Variants in EPRS1 observed in about 807,000 individuals in gnomAD.
The protein encoded by EPRS1 is glutamyl-prolyl-tRNA synthetase 1, also known as bifunctional glutamate/proline--tRNA ligase.
EPRS1 carries 107 observed loss-of-function variants against 188.3 expected under a neutral mutation model. The ratio of observed to expected loss-of-function variants is 0.57; its 90% confidence interval spans 0.49 to 0.67. EPRS1 has a LOEUF of 0.67. Among genes scored for constraint, EPRS1 ranks in the 30% least tolerant of loss-of-function variants. EPRS1 has a pLI of 0.00. For synonymous variants in EPRS1, 596 were observed against 593.1 expected, an observed-to-expected ratio of 1.00 and a Z score of -0.07; for missense variants, 1,577 against 1,802.2, an observed-to-expected ratio of 0.88 and a Z score of 2.26.
intron 12 of EPRS1, among the ~76,000 whole-genome samples, chr1:220,013,273 T>A (rs1661641941): frequency 6.6e-6 from 1 of 152,212 alleles, no homozygotes; most frequent in Admixed American, 6.5e-5. Context: ...ATATTCCATT[T>A]AACTATGATA....
chr1:219,989,412 C>G (rs1049474263), intron 18 of EPRS1, among the ~76,000 whole-genome samples: 1 of 151,400 alleles, frequency 6.6e-6, no homozygotes, highest in African/African-American at 2.4e-5. Flanking sequence ...ACTTGTGACT[C>G]TCTAGCAGAG....
At chr1:219,996,906 TAAG>T (rs1335417709) in intron 18 of EPRS1, 74 bp downstream of exon 18, 26 of 1,403,412 alleles carry the variant, frequency 1.9e-5, no homozygotes, top group Non-Finnish European at 1.9e-5. Flanking sequence ...CGATGTTTTA[TAAG>T]AAGATGAGAC....
intron 20 of EPRS1, among the ~76,000 whole-genome samples, chr1:219,985,668 G>C (rs1033957832): frequency 1.2e-4 from 19 of 152,112 alleles, no homozygotes; most frequent in Admixed American, 1.3e-4. Flanking sequence ...GCCTCCCAAA[G>C]TGCTGGCATT....
intron 18 of EPRS1, among the ~76,000 whole-genome samples, chr1:219,992,048 CTT>C (rs1190637106): frequency 6.6e-6 from 1 of 152,098 alleles, no homozygotes; most frequent in Non-Finnish European, 1.5e-5. Context: ...AGGCTTTTTT[CTT>C]GTTTCCTTCC....
At chr1:220,041,490 T>C (rs545146198) in intron 1 of EPRS1, among the ~76,000 whole-genome samples, 1 of 152,126 alleles carries the variant, frequency 6.6e-6, no homozygotes, top group East Asian at 1.9e-4. Flanking sequence ...TCTAAAACAG[T>C]GTAAAATGGC....
At chr1:219,974,360 A>G (rs933953879) in intron 28 of EPRS1, among the ~76,000 whole-genome samples, 9 of 152,226 alleles carry the variant, frequency 5.9e-5, no homozygotes, top group South Asian at 2.1e-4. Context: ...TTAAGGACAG[A>G]CTATATGCAA....
chr1:220,035,411 C>G (rs575368336), intron 2 of EPRS1, among the ~76,000 whole-genome samples: 196 of 152,282 alleles, frequency 1.3e-3, no homozygotes, highest in Non-Finnish European at 2.2e-3. Flanking sequence ...CTCAGCCTCC[C>G]AAAGTGCTGG....
chr1:220,037,952 A>T (rs947110941), intron 2 of EPRS1, among the ~76,000 whole-genome samples: 1 of 152,236 alleles, frequency 6.6e-6, no homozygotes, highest in Non-Finnish European at 1.5e-5. Flanking sequence ...ATGTAAATAC[A>T]GAATGGTAAT....
Position 220,020,870 on chromosome 1 carries a change from A to ATATATATATATATATG in EPRS1, c.1116-650_1116-649insCATATATATATATATA, listed in dbSNP as rs1219334636. On this transcript the variant is annotated intron_variant, in intron 9 of 31. Coordinates refer to ENST00000366923, the MANE Select transcript of EPRS1 (RefSeq NM_004446.3). The stretch of plus-strand genomic sequence containing the variant: ...TATATATATATATATATATATATAT[A>ATATATATATATATATG]TTAGTGCATTATGCTTTCTTTCTTT... 2.0e-3 allele frequency among the ~76,000 whole-genome samples: 152 copies of ATATATATATATATATG among 77,276 alleles called. 9 individuals are homozygous for ATATATATATATATATG. Among genetic ancestry groups the ATATATATATATATATG allele is most frequent in the Non-Finnish European group, 2.9e-3 (116 of 39,668 alleles). The allele number at this position is 77,276 out of a possible 152,430, so 50.7% of individuals were successfully genotyped here. A position where few individuals can be genotyped will look rare whatever the true frequency, so the allele number is the denominator to read the frequency against.
intron 21 of EPRS1, 104 bp from the exon 22 acceptor site, chr1:219,983,502 T>C: frequency 2.8e-6 from 2 of 723,284 alleles, no homozygotes. Context: ...GCTTCTACTG[T>C]TGATAACATC....
At chr1:220,016,711 C>CTT (rs57900764) in intron 12 of EPRS1, among the ~76,000 whole-genome samples, 4,044 of 128,182 alleles carry the variant, frequency 0.032, 125 homozygotes, top group East Asian at 0.067. Flanking sequence ...GAGAACCTGG[C>CTT]TTTTTTTTTT....
chr1:220,024,851 T>C (rs576126455), intron 7 of EPRS1, among the ~76,000 whole-genome samples: 8 of 152,306 alleles, frequency 5.3e-5, no homozygotes, highest in African/African-American at 1.7e-4. Flanking sequence ...TAAGATTATA[T>C]GACCAAAAAA....
chr1:219,987,041 C>G (rs1241837470), intron 20 of EPRS1, 101 bp downstream of exon 20: 1 of 1,266,418 alleles, frequency 7.9e-7, no homozygotes. Flanking sequence ...CGTTCTCTAA[C>G]TTAATGTGAT....
chr1:220,035,949 C>T (rs1040428199), intron 2 of EPRS1, among the ~76,000 whole-genome samples: 1 of 152,100 alleles, frequency 6.6e-6, no homozygotes, highest in Non-Finnish European at 1.5e-5. Flanking sequence ...CCTGTAATCC[C>T]GGCACTTCGG....
intron 28 of EPRS1, among the ~76,000 whole-genome samples, chr1:219,975,750 T>C (rs1324589469): frequency 6.6e-6 from 1 of 152,168 alleles, no homozygotes; most frequent in Non-Finnish European, 1.5e-5. Flanking sequence ...CCTATGGTTT[T>C]TTATTGGAAT....
At chr1:219,971,995 C>T in intron 30 of EPRS1, 74 bp downstream of exon 30, 1 of 842,772 alleles carries the variant, frequency 1.2e-6, no homozygotes, top group Non-Finnish European at 1.9e-6. Flanking sequence ...TAATACCATG[C>T]ATAAATTCAA....
At chr1:220,016,461 A>G (rs901163273) in intron 12 of EPRS1, among the ~76,000 whole-genome samples, 1 of 150,078 alleles carries the variant, frequency 6.7e-6, no homozygotes, top group Non-Finnish European at 1.5e-5. Flanking sequence ...CCCAGGCTGG[A>G]TTGCAGTGGT....
Position 219,983,399 on chromosome 1 carries a change from C to G in EPRS1, c.3091-1G>C. On this transcript the variant is annotated splice_acceptor_variant, in intron 21 of 31. Coordinates refer to ENST00000366923, the MANE Select transcript of EPRS1 (RefSeq NM_004446.3). LOFTEE classifies it high-confidence loss of function. ...CAATCATTTCTGACTTTGTGATGAC[C>G]TTTTTAAAAGAAAAATAGTCTTTAA... The G allele has an allele frequency of 6.2e-7, 1 of 1,604,784 alleles. No homozygotes were observed. The highest frequency in any genetic ancestry group is 2.2e-5 in the East Asian group (1 of 44,720).
rs565005600 is a variant in EPRS1 at position 220,004,795 on chromosome 1, C to T, written c.2063+453G>A. 5.3e-4 allele frequency among the ~76,000 whole-genome samples: 80 copies of T among 151,862 alleles called. No individual in the cohort carries two copies. The South Asian group carries it at 0.016, about 30-fold the overall frequency. ...AAGAAAAAAAAGGGACAAAAATTTA[C>T]ATAGAGTTCTCCTTCTAATAATCCT... On this transcript the variant is annotated intron_variant, in intron 16 of 31. Transcript: ENST00000366923.
Sources: allele counts gnomAD v4.1 joint callset (sites outside exome capture counted in the v4.1 genomes callset), GRCh38; gene constraint gnomAD v4.1.1; transcripts MANE v1.5; gene names NCBI Gene and HGNC (gene_info 2026-07-23, HGNC 2026-07-21).